NSD3: variants seen among roughly 807,000 people sequenced by gnomAD.
The protein encoded by NSD3 is histone-lysine N-methyltransferase NSD3.
In NSD3, 24 loss-of-function variants were observed where a neutral mutation model predicts 160.8. The ratio of observed to expected loss-of-function variants is 0.15; its 90% CI spans 0.11 to 0.21. The LOEUF (loss-of-function observed/expected upper bound fraction) is 0.21, where lower values mean the gene tolerates loss of function less well. Among genes scored for constraint, NSD3 ranks in the 10% least tolerant of loss-of-function variants. The pLI, the probability that NSD3 is intolerant of heterozygous loss-of-function variation, is 1.00. For missense variants in NSD3, 1,157 were observed against 1,735.9 expected (o/e 0.67, Z 5.93); for synonymous variants, 520 against 600.0 (o/e 0.87, Z 1.95).
At chr8:38,345,701 G>A (rs1356385894) in intron 2 of NSD3, among the ~76,000 whole-genome samples, 4 of 151,788 alleles carry the variant, frequency 2.6e-5, no homozygotes, top group African/African-American at 2.4e-5. Context: ...ACCTGAGGTC[G>A]GGAGTTTGAG....
At chr8:38,324,160 T>C (rs970544539) in intron 7 of NSD3, among the ~76,000 whole-genome samples, 2 of 152,218 alleles carry the variant, frequency 1.3e-5, no homozygotes, top group Non-Finnish European at 2.9e-5. Context: ...TCCTTTGACA[T>C]TGTAAGTTCA....
intron 15 of NSD3, among the ~76,000 whole-genome samples, chr8:38,296,674 CTGTGTGTGTGTGTGTGTGTG>C (rs57485296): frequency 2.1e-5 from 3 of 142,290 alleles, no homozygotes; most frequent in South Asian, 2.3e-4. Context: ...CTCTCTCCCT[CTGTGTGTGTGTGTGTGTGTG>C]TGTGTGTGTG....
chr8:38,364,188 G>A (rs1210529253), intron 1 of NSD3, among the ~76,000 whole-genome samples: 1 of 151,982 alleles, frequency 6.6e-6, no homozygotes, highest in Non-Finnish European at 1.5e-5. Context: ...GAGGTGGGAC[G>A]ATCGCTTGAA....
intron 17 of NSD3, among the ~76,000 whole-genome samples, chr8:38,289,906 C>A (rs1808959323): frequency 6.6e-6 from 1 of 152,172 alleles, no homozygotes; most frequent in South Asian, 2.1e-4. Flanking sequence ...TGCAAAGGAA[C>A]TTCACTTGAT....
chr8:38,337,951 T>A (rs181883041), intron 3 of NSD3, among the ~76,000 whole-genome samples: 1 of 152,248 alleles, frequency 6.6e-6, no homozygotes, highest in African/African-American at 2.4e-5. Context: ...CCACCCCAAA[T>A]ACTGAAGATA....
intron 4 of NSD3, among the ~76,000 whole-genome samples, chr8:38,333,685 G>A (rs922915868): frequency 6.6e-6 from 1 of 151,576 alleles, no homozygotes; most frequent in African/African-American, 2.4e-5. Context: ...GGCTAACAAG[G>A]TGAAACCCCG....
chr8:38,296,859 G>T (rs1233215061), intron 15 of NSD3, among the ~76,000 whole-genome samples: 1 of 152,062 alleles, frequency 6.6e-6, no homozygotes, highest in Non-Finnish European at 1.5e-5. Context: ...TTACAGGCGT[G>T]AGCCACCATG....
chr8:38,311,835 G>T (rs1329550018), intron 12 of NSD3, among the ~76,000 whole-genome samples: 1 of 152,026 alleles, frequency 6.6e-6, no homozygotes, highest in Non-Finnish European at 1.5e-5. Context: ...TGTGCCTTTG[G>T]TGTCATGTAT....
chr8:38,347,371 G>A (rs973989454), intron 2 of NSD3, 126 bp downstream of exon 2: 36 of 964,380 alleles, frequency 3.7e-5, no homozygotes, highest in Non-Finnish European at 3.4e-5. Flanking sequence ...TTCTGAGCAC[G>A]TTGCTAGTGA....
chr8:38,310,437 G>A (rs938488504), intron 12 of NSD3, among the ~76,000 whole-genome samples: 2 of 152,012 alleles, frequency 1.3e-5, no homozygotes, highest in African/African-American at 4.8e-5. Flanking sequence ...GGACATTTGG[G>A]TTGTTTCTAC....
At chr8:38,379,960 T>C (rs1287529483) in intron 1 of NSD3, among the ~76,000 whole-genome samples, 1 of 152,238 alleles carries the variant, frequency 6.6e-6, no homozygotes, top group Non-Finnish European at 1.5e-5. Flanking sequence ...ATTGTACAAG[T>C]AGTTACAGTT....
intron 1 of NSD3, among the ~76,000 whole-genome samples, chr8:38,371,542 G>C (rs1015169444): frequency 6.6e-5 from 10 of 152,286 alleles, no homozygotes; most frequent in Admixed American, 5.2e-4. Flanking sequence ...CGCCCATGCA[G>C]GGGAAAAATT....
In NSD3 at chr8:38,305,410, T is replaced by G; in HGVS notation, c.2278A>C (p.Lys760Gln). 1 of 1,614,164 alleles carries G rather than the reference T, an allele frequency of 6.2e-7. No individual in the cohort carries two copies. Among genetic ancestry groups the G allele is most frequent in the Non-Finnish European group, 8.5e-7 (1 of 1,180,030 alleles). ...HPCFSCKVSGKDVKRCSVGAC... is the reference protein window; with the variant it reads ...HPCFSCKVSGQDVKRCSVGAC... ...CCAACAGAACAACGCTTCACATCTT[T>G]ACCAGACACTTTACACGAAAAACAT... Residue 760 changes from lysine (K) to glutamine (Q), a missense_variant, in exon 13 of 24, where the codon AAA becomes CAA. Coordinates refer to ENST00000317025, the MANE Select transcript of NSD3 (RefSeq NM_023034.2).
chr8:38,357,643 C>T (rs749102952), intron 1 of NSD3, among the ~76,000 whole-genome samples: 5 of 152,054 alleles, frequency 3.3e-5, no homozygotes, highest in African/African-American at 4.8e-5. Context: ...ATATTCTATG[C>T]GTGCCTCTCA....
intron 1 of NSD3, chr8:38,380,664 G>C (rs1241378556): frequency 6.6e-6 from 1 of 152,138 alleles, no homozygotes; most frequent in Non-Finnish European, 1.5e-5. Context: ...CATCAAAAAG[G>C]TAGTGATGGA....
chr8:38,335,588 C>G (rs920364261), intron 4 of NSD3, among the ~76,000 whole-genome samples: 1 of 151,624 alleles, frequency 6.6e-6, no homozygotes, highest in African/African-American at 2.4e-5. Context: ...TTTTCTTTTC[C>G]CACTCATATA....
rs1810004234 is a variant in NSD3, at chr8:38,329,661, G to T, written c.1298C>A (p.Thr433Asn). The change falls in exon 6 of 24, where the codon ACC becomes AAC. Residue 433 changes from threonine (T) to asparagine (N), a missense_variant. By Grantham distance (65) the Thr-to-Asn change is moderately conservative. This residue lies in a region of NSD3 where 168 missense variants were observed against 208.1 expected (regional missense o/e 0.81). Transcript: ENST00000317025. The surrounding 1 kb of genome is among the most constrained non-coding windows in gnomAD (Gnocchi z 4.8). The part of the protein sequence containing the change: ...RSVLNTQPEQ[T>N]NAGEVASSLS... ...TGAGGAGGCCACCTCCCCTGCATTGGTCTGTTCTGGCTGAGTATTCAGCAC... is the reference window on the plus strand; with the variant it reads ...TGAGGAGGCCACCTCCCCTGCATTGTTCTGTTCTGGCTGAGTATTCAGCAC... 2.5e-6 allele frequency: 4 copies of T among 1,614,210 alleles called. No individual in the cohort carries two copies. Among genetic ancestry groups the T allele is most frequent in the Non-Finnish European group, 3.4e-6 (4 of 1,180,052 alleles).
intron 18 of NSD3, among the ~76,000 whole-genome samples, chr8:38,289,065 C>G (rs1415638529): frequency 2.0e-5 from 3 of 152,084 alleles, no homozygotes; most frequent in Non-Finnish European, 2.9e-5. Flanking sequence ...GGAGTAAACA[C>G]CTATATTCTC....
rs1212507237 is a variant in NSD3, at chr8:38,277,939, C to CT, written c.3867+366dup. Among the ~76,000 whole-genome samples, 812 of 136,464 alleles carry CT rather than the reference C, an allele frequency of 6.0e-3. 1 individual carries two copies. Among genetic ancestry groups the CT allele is most frequent in the African/African-American group, 0.014 (541 of 37,368 alleles). 89.5% of individuals were successfully genotyped at this position (136,464 alleles called of 152,430 possible). On this transcript the variant is annotated intron_variant, in intron 22 of 23. Transcript: ENST00000317025. Reference sequence around the variant, plus strand: ...TGGTCACAAACACACAAACAGACTTCTTTTTTTTTTTTTTTTTGAGATAGA... The same window carrying CT: ...TGGTCACAAACACACAAACAGACTTCTTTTTTTTTTTTTTTTTTGAGATAGA...
Sources: allele counts gnomAD v4.1 joint callset (sites outside exome capture counted in the v4.1 genomes callset), GRCh38; gene constraint gnomAD v4.1.1; regional missense constraint gnomAD v4.1.1; non-coding constraint Gnocchi (gnomAD v3.1); transcripts MANE v1.5; gene names NCBI Gene and HGNC (gene_info 2026-07-23, HGNC 2026-07-21).